The following SYT1 variants were observed in gnomAD, a reference collection of about 807,000 sequenced individuals.
SYT1 encodes synaptotagmin-1.
Under a neutral mutation model 44.8 loss-of-function variants are expected in SYT1, and 8 were observed. That is an observed-to-expected ratio of 0.18 (90% CI 0.10 to 0.32). The LOEUF (loss-of-function observed/expected upper bound fraction) is 0.32, where lower values mean the gene tolerates loss of function less well. SYT1 is among the 10% of genes least tolerant of loss of function. The pLI, the probability that SYT1 is intolerant of heterozygous loss-of-function variation, is 1.00. For synonymous variants in SYT1, 154 were observed against 188.8 expected (o/e 0.82, Z 1.51); for missense variants, 286 against 509.3 (o/e 0.56, Z 4.22).
At chr12:79,024,980 A>G (rs1028413226) in intron 2 of SYT1, among the ~76,000 whole-genome samples, 1 of 151,818 alleles carries the variant, frequency 6.6e-6, no homozygotes, top group Non-Finnish European at 1.5e-5. Context: ...GCAAAGCAGA[A>G]CACACTTATT....
rs184167453 is a variant in SYT1 at position 79,269,686 on chromosome 12, A to G, written c.167-16101A>G. ...TCGGGTACCACATATTACCAACTGTATGAAAAAGTACACACACACACACAC... is the reference window on the plus strand; with the variant it reads ...TCGGGTACCACATATTACCAACTGTGTGAAAAAGTACACACACACACACAC... On this transcript the variant is annotated intron_variant, in intron 4 of 10. Transcript: ENST00000261205. Among the ~76,000 whole-genome samples the G allele has an allele frequency of 4.2e-3, 645 of 152,106 alleles. 20 individuals carry two copies. Among genetic ancestry groups the G allele is most frequent in the Admixed American group, 0.036 (555 of 15,250 alleles).
chr12:79,390,369 AC>A (rs1884610835), intron 9 of SYT1, among the ~76,000 whole-genome samples: 1 of 152,242 alleles, frequency 6.6e-6, no homozygotes. Flanking sequence ...ATTGATAGGT[AC>A]AAAGGCTTTT....
intron 4 of SYT1, among the ~76,000 whole-genome samples, chr12:79,238,666 T>C (rs983097995): frequency 2.6e-5 from 4 of 152,188 alleles, no homozygotes; most frequent in African/African-American, 9.7e-5. Flanking sequence ...TAGGTTTTCA[T>C]TACCAAAGGC....
chr12:79,135,817 G>A (rs1471444189), intron 3 of SYT1, among the ~76,000 whole-genome samples: 1 of 152,204 alleles, frequency 6.6e-6, no homozygotes, highest in African/African-American at 2.4e-5. Context: ...ACAGAAGTAG[G>A]AGGATTGAAA....
chr12:78,915,373 A>T (rs1476265709), intron 1 of SYT1, among the ~76,000 whole-genome samples: 2 of 152,064 alleles, frequency 1.3e-5, no homozygotes, highest in African/African-American at 4.8e-5. Context: ...ATGCATAGCC[A>T]AGGTTAAGAA....
At chr12:79,282,503 G>T (rs1177010329) in intron 4 of SYT1, among the ~76,000 whole-genome samples, 1 of 152,104 alleles carries the variant, frequency 6.6e-6, no homozygotes, top group African/African-American at 2.4e-5. Context: ...TCCATGTAAT[G>T]GTAGTTGGGT....
intron 1 of SYT1, among the ~76,000 whole-genome samples, chr12:78,966,869 C>T (rs1868260317): frequency 6.6e-6 from 1 of 152,152 alleles, no homozygotes; most frequent in Non-Finnish European, 1.5e-5. Context: ...TTCTGAGTTA[C>T]ATGTAAAGTC....
intron 2 of SYT1, among the ~76,000 whole-genome samples, chr12:79,012,562 C>G (rs1344722203): frequency 6.6e-6 from 1 of 152,064 alleles, no homozygotes; most frequent in African/African-American, 2.4e-5. Context: ...ATCACTTTTC[C>G]AATTCTATTA....
intron 4 of SYT1, among the ~76,000 whole-genome samples, chr12:79,221,924 C>T (rs1484462660): frequency 6.6e-6 from 1 of 151,994 alleles, no homozygotes; most frequent in Non-Finnish European, 1.5e-5. Context: ...TTGTGTTAAT[C>T]ATTAGCAACT....
intron 1 of SYT1, among the ~76,000 whole-genome samples, chr12:78,908,361 G>T (rs889441140): frequency 1.5e-5 from 2 of 137,882 alleles, no homozygotes; most frequent in Non-Finnish European, 3.3e-5. Flanking sequence ...AAATTTTGAA[G>T]ACGGATCAGT....
At chr12:79,302,841 G>A (rs181740839) in intron 8 of SYT1, among the ~76,000 whole-genome samples, 1 of 152,232 alleles carries the variant, frequency 6.6e-6, no homozygotes, top group African/African-American at 2.4e-5. Context: ...TTGGAGACAG[G>A]TCAACATTTC....
intron 1 of SYT1, among the ~76,000 whole-genome samples, chr12:78,877,249 G>T (rs995574045): frequency 6.6e-6 from 1 of 151,344 alleles, no homozygotes; most frequent in South Asian, 2.1e-4. Flanking sequence ...CCTATGTGGC[G>T]GTAGGCAAAG....
intron 1 of SYT1, among the ~76,000 whole-genome samples, chr12:78,911,633 G>A (rs1876334129): frequency 6.6e-6 from 1 of 151,836 alleles, no homozygotes; most frequent in Admixed American, 6.6e-5. Context: ...TTAGTAATAT[G>A]GAAGTCTTTC....
At chr12:79,205,150 G>T (rs1874041831) in intron 3 of SYT1, among the ~76,000 whole-genome samples, 1 of 151,926 alleles carries the variant, frequency 6.6e-6, no homozygotes, top group South Asian at 2.1e-4. Context: ...AATTTTAAGA[G>T]ATGGGGTTTC....
intron 1 of SYT1, among the ~76,000 whole-genome samples, chr12:78,913,352 C>T (rs575770108): frequency 6.6e-6 from 1 of 151,138 alleles, no homozygotes; most frequent in South Asian, 2.1e-4. Flanking sequence ...TTGAGAAGAT[C>T]CATAAACTTT....
intron 1 of SYT1, among the ~76,000 whole-genome samples, chr12:78,958,229 G>A (rs944908637): frequency 3.9e-5 from 6 of 152,096 alleles, no homozygotes; most frequent in Non-Finnish European, 8.8e-5. Context: ...ACTTAGAAAT[G>A]AAGTAATCAA....
intron 8 of SYT1, among the ~76,000 whole-genome samples, chr12:79,346,007 G>A (rs1453153480): frequency 1.3e-5 from 2 of 152,092 alleles, no homozygotes; most frequent in African/African-American, 2.4e-5. Context: ...AACATAAATA[G>A]AATGTCCTTT....
chr12:79,338,230 T>C (rs1882177583), intron 8 of SYT1, among the ~76,000 whole-genome samples: 1 of 152,006 alleles, frequency 6.6e-6, no homozygotes, highest in Admixed American at 6.6e-5. Context: ...AAATCATCCA[T>C]ATTCCAAGAA....
At chr12:79,393,997 G>T (rs1486344676) in intron 9 of SYT1, 1 of 152,188 alleles carries the variant, frequency 6.6e-6, no homozygotes, top group Non-Finnish European at 1.5e-5. Flanking sequence ...ATCCTGTGCT[G>T]TTCCCTCCTG....
Sources: allele counts gnomAD v4.1 joint callset (sites outside exome capture counted in the v4.1 genomes callset), GRCh38; gene constraint gnomAD v4.1.1; transcripts MANE v1.5; gene names NCBI Gene and HGNC (gene_info 2026-07-23, HGNC 2026-07-21).